The following ZFP14 variants were observed in gnomAD, a reference collection of about 807,000 sequenced individuals.
ZFP14 encodes the protein zinc finger protein 14 homolog.
In ZFP14, 22 loss-of-function variants were observed where a neutral mutation model predicts 54.5. The ratio of observed to expected loss-of-function variants is 0.40; its 90% confidence interval spans 0.29 to 0.58. ZFP14 has a LOEUF of 0.58. ZFP14 is among the 20% of genes least tolerant of loss of function. The pLI is 0.39. For missense variants in ZFP14, 470 were observed against 637.8 expected, an observed-to-expected ratio of 0.74 and a Z score of 2.83; for synonymous variants, 159 against 204.0, an observed-to-expected ratio of 0.78 and a Z score of 1.88.
chr19:36,360,371 C>G (rs2031689766), intron 4 of ZFP14, 64 bp downstream of exon 4: 2 of 1,474,862 alleles, frequency 1.4e-6, no homozygotes, highest in Non-Finnish European at 1.9e-6. Context: ...TGTGCCTCCA[C>G]CCTAATCAGT....
chr19:36,373,095 T>C (rs1360338892), intron 1 of ZFP14, among the ~76,000 whole-genome samples: 2 of 151,880 alleles, frequency 1.3e-5, no homozygotes, highest in African/African-American at 4.8e-5. Flanking sequence ...CTTACCAACA[T>C]GGAGAAACCC....
At chr19:36,357,016 A>T (rs562344931) in intron 4 of ZFP14, among the ~76,000 whole-genome samples, 163 of 151,908 alleles carry the variant, frequency 1.1e-3, no homozygotes, top group African/African-American at 3.8e-3. Context: ...CAAAGTTTTC[A>T]ATTTGGATAA....
intron 1 of ZFP14, among the ~76,000 whole-genome samples, chr19:36,374,503 AAAAAG>A (rs1239278764): frequency 1.3e-5 from 2 of 151,744 alleles, no homozygotes; most frequent in African/African-American, 2.4e-5. Flanking sequence ...AAAAAAAAAA[AAAAAG>A]AAAAGAAAAA....
intron 1 of ZFP14, among the ~76,000 whole-genome samples, chr19:36,371,146 C>G (rs2031871836): frequency 6.6e-6 from 1 of 152,026 alleles, no homozygotes; most frequent in Non-Finnish European, 1.5e-5. Flanking sequence ...TGCCTGTAGT[C>G]CAGCTACTCG....
At chr19:36,365,169 C>T (rs1366183711) in intron 2 of ZFP14, among the ~76,000 whole-genome samples, 2 of 151,828 alleles carry the variant, frequency 1.3e-5, no homozygotes, top group South Asian at 4.2e-4. Context: ...CACACGGCCT[C>T]CCATTATGTG....
intron 1 of ZFP14, among the ~76,000 whole-genome samples, chr19:36,371,209 G>C (rs987696659): frequency 6.6e-6 from 1 of 152,118 alleles, no homozygotes. Context: ...CTTGAAGTGA[G>C]TCAAGGTCGC....
chr19:36,357,853 A>C lies in ZFP14; in HGVS notation c.235+2582T>G, dbSNP rs1266805498. Among the ~76,000 whole-genome samples the C allele has an allele frequency of 6.8e-5, 10 of 146,478 alleles. 1 individual carries two copies. The Admixed American group carries it at 6.8e-4, about 10-fold the overall frequency. On this transcript the variant is annotated intron_variant, in intron 4 of 4. Coordinates refer to ENST00000270001, the MANE Select transcript of ZFP14 (RefSeq NM_020917.3). ...CGCTTCCCAGGTTCAAGAGATTCTC[A>C]TGCCTCACCCTCCCCAGTAGCTGGG... is the stretch of plus-strand genomic sequence containing the variant.
intron 4 of ZFP14, 23 bp downstream of exon 4, chr19:36,360,412 A>G (rs891602786): frequency 1.4e-5 from 22 of 1,604,198 alleles, no homozygotes; most frequent in Non-Finnish European, 1.9e-5. Flanking sequence ...TGATTTCTCA[A>G]TGCCTGCTCA....
rs1243650303 is a variant in ZFP14 at position 36,340,872 on chromosome 19, C to T, written c.954G>A (p.Gly318=). Residue 318 remains glycine, a synonymous_variant, in exon 5 of 5, where the codon GGG becomes GGA. Coordinates refer to ENST00000270001, the MANE Select transcript of ZFP14 (RefSeq NM_020917.3). The surrounding 1 kb of genome is among the most constrained non-coding windows in gnomAD (Gnocchi z 5.4). ...GGTCTGGACCACATACGAAGGCTTT[C>T]CCACATTCCTTACATTCATAGAGCT... is the stretch of plus-strand genomic sequence containing the variant. ...AEKLYECKEC[G]KAFVCGPDLR... The T allele has an allele frequency of 1.9e-6, 3 of 1,613,706 alleles. No homozygotes were observed. Among genetic ancestry groups the T allele is most frequent in the Non-Finnish European group, 2.5e-6 (3 of 1,179,982 alleles).
chr19:36,361,884 T>C (rs1274721935), intron 3 of ZFP14, among the ~76,000 whole-genome samples: 4 of 152,192 alleles, frequency 2.6e-5, no homozygotes, highest in Admixed American at 6.5e-5. Flanking sequence ...TTTTGCCATA[T>C]TCAAATCCAT....
At chr19:36,367,229 G>A (rs1199827777) in intron 2 of ZFP14, among the ~76,000 whole-genome samples, 1 of 152,134 alleles carries the variant, frequency 6.6e-6, no homozygotes, top group East Asian at 1.9e-4. Context: ...AAAAAGCACT[G>A]TACTGAGAAA....
rs760004370 is a variant in ZFP14, at chr19:36,350,356, T to C, written c.236-8766A>G. Among the ~76,000 whole-genome samples, 4 of 141,274 alleles carry C rather than the reference T, an allele frequency of 2.8e-5. 1 individual carries two copies. Among genetic ancestry groups the C allele is most frequent in the Non-Finnish European group, 6.3e-5 (4 of 63,978 alleles). 92.7% of individuals were successfully genotyped at this position (141,274 alleles called of 152,430 possible). ...TGACTCAGGCCTGTAATCTCAACAA[T>C]TTGGGAAGCCAAGGAGGGAAAACTA... On this transcript the variant is annotated intron_variant, in intron 4 of 4. Transcript: ENST00000270001.
At chr19:36,375,778 C>T (rs189869242) in intron 1 of ZFP14, among the ~76,000 whole-genome samples, 2,784 of 151,966 alleles carry the variant, frequency 0.018, 52 homozygotes, top group African/African-American at 0.062. Flanking sequence ...AGGATGGTCT[C>T]GATCTCCTGA....
rs1264474764 is a variant in ZFP14 at position 36,340,381 on chromosome 19, C to T, written c.1445G>A (p.Cys482Tyr). The change falls in exon 5 of 5, where the codon TGT (cysteine) becomes TAT (tyrosine). Residue 482 changes from cysteine (C) to tyrosine (Y), a missense_variant. By Grantham distance (194) the Cys-to-Tyr change is radical. Transcript: ENST00000270001. This position sits in a 1 kb window ranked among gnomAD's most constrained non-coding sequence, Gnocchi z 5.4. ...TCTAAAAGCCTTACCACATTCCTTA[C>T]ATTCATAAGGTTTCTCACCAGTGTG... ...SIHTGEKPYE[C>Y]KECGKAFRLY... The T allele has an allele frequency of 6.2e-7, 1 of 1,614,146 alleles. No homozygotes were observed. The highest frequency in any genetic ancestry group is 2.2e-5 in the East Asian group (1 of 44,870).
In ZFP14 at chr19:36,344,250, C is replaced by T. The variant is rs536290434; in HGVS notation, c.236-2660G>A. ...GAACTCCTGACCTCAGATGATCTGC[C>T]CGCCTCGGCCTCCCAAAGTGCTGAG... On this transcript the variant is annotated intron_variant, in intron 4 of 4. Transcript: ENST00000270001. Among the ~76,000 whole-genome samples, 4 of 152,168 alleles carry T rather than the reference C, an allele frequency of 2.6e-5. No individual in the cohort carries two copies. The South Asian group carries it at 8.3e-4, about 32-fold the overall frequency.
chr19:36,375,983 G>A (rs2031956427), intron 1 of ZFP14, among the ~76,000 whole-genome samples: 2 of 151,604 alleles, frequency 1.3e-5, no homozygotes, highest in South Asian at 2.1e-4. Context: ...ATGAGCCACC[G>A]CGCCCGGCCA....
intron 3 of ZFP14, among the ~76,000 whole-genome samples, chr19:36,361,213 T>C (rs1317441490): frequency 3.3e-5 from 5 of 152,188 alleles, no homozygotes; most frequent in African/African-American, 7.2e-5. Context: ...GAACTGCATA[T>C]GTCTGTTACA....
rs2031236495 is a variant in ZFP14 at position 36,337,958 on chromosome 19, T to C, written c.*2266A>G. ...GTGATTTTTCTAATCCTCTAATTCC[T>C]TCTAGATTTATTAGACTTCTTCAAA... On this transcript the variant is annotated 3_prime_UTR_variant, in exon 5 of 5. Transcript: ENST00000270001. The C allele has an allele frequency of 6.6e-6, 1 of 152,204 alleles. No individual in the cohort carries two copies. The highest frequency in any genetic ancestry group is 1.5e-5 in the Non-Finnish European group (1 of 68,048). 9.4% of individuals were successfully genotyped at this position (152,204 alleles called of 1,614,324 possible). A position where few individuals can be genotyped will look rare whatever the true frequency, so the allele number is the denominator to read the frequency against.
At chr19:36,352,035 T>A (rs948202175) in intron 4 of ZFP14, among the ~76,000 whole-genome samples, 2 of 140,714 alleles carry the variant, frequency 1.4e-5, no homozygotes, top group African/African-American at 5.2e-5. Flanking sequence ...TACAAAAAAA[T>A]TAGCGGGGCG....
Sources: allele counts gnomAD v4.1 joint callset (sites outside exome capture counted in the v4.1 genomes callset), GRCh38; gene constraint gnomAD v4.1.1; non-coding constraint Gnocchi (gnomAD v3.1); transcripts MANE v1.5; gene names NCBI Gene and HGNC (gene_info 2026-07-23, HGNC 2026-07-21).